CFDP1: variants seen among roughly 807,000 people sequenced by gnomAD.
CFDP1 encodes the protein heterochromatin-stabilizing protein CFDP1.
In CFDP1, 31 loss-of-function variants were observed where a neutral mutation model predicts 40.1. That is an observed-to-expected ratio of 0.77 (90% CI 0.58 to 1.04). The LOEUF (loss-of-function observed/expected upper bound fraction) is 1.04, where lower values mean the gene tolerates loss of function less well. Among genes scored for constraint, CFDP1 ranks in the 50% least tolerant of loss-of-function variants. The pLI is 0.00. For synonymous variants in CFDP1, 167 were observed against 120.0 expected, an observed-to-expected ratio of 1.39 and a Z score of -2.56; for missense variants, 423 against 343.4, an observed-to-expected ratio of 1.23 and a Z score of -1.83.
At chr16:75,416,630 C>G (rs963669062) in intron 1 of CFDP1, among the ~76,000 whole-genome samples, 2 of 152,032 alleles carry the variant, frequency 1.3e-5, no homozygotes, top group Non-Finnish European at 2.9e-5. Flanking sequence ...CTTGGTGGTA[C>G]ACACCTCTAG....
intron 1 of CFDP1, among the ~76,000 whole-genome samples, chr16:75,415,843 T>G (rs1441696438): frequency 6.6e-6 from 1 of 152,202 alleles, no homozygotes; most frequent in African/African-American, 2.4e-5. Flanking sequence ...GATACTCCTG[T>G]GCATCCAATC....
At chr16:75,397,340 C>G (rs1225540164) in intron 4 of CFDP1, among the ~76,000 whole-genome samples, 2 of 150,804 alleles carry the variant, frequency 1.3e-5, no homozygotes, top group African/African-American at 4.9e-5. Context: ...CATGATGAAA[C>G]CCCATCTCTA....
intron 6 of CFDP1, 42 bp from the exon 7 acceptor site, chr16:75,294,084 A>T: frequency 6.8e-7 from 1 of 1,478,390 alleles, no homozygotes; most frequent in South Asian, 1.1e-5. Flanking sequence ...ATCCAGTAGG[A>T]AAAACTCCTC....
At chr16:75,432,464 T>C (rs149371336) in intron 1 of CFDP1, among the ~76,000 whole-genome samples, 2,802 of 148,764 alleles carry the variant, frequency 0.019, 52 homozygotes, top group South Asian at 0.066. Context: ...GACGGGAGGA[T>C]CGCTTGAGCC....
At chr16:75,302,674 C>T (rs1238949309) in intron 6 of CFDP1, among the ~76,000 whole-genome samples, 1 of 152,216 alleles carries the variant, frequency 6.6e-6, no homozygotes, top group African/African-American at 2.4e-5. Context: ...TGTCTCAGAT[C>T]ACTGTGCAAG....
At chr16:75,376,601 G>A (rs1050770656) in intron 5 of CFDP1, among the ~76,000 whole-genome samples, 1 of 152,156 alleles carries the variant, frequency 6.6e-6, no homozygotes, top group Non-Finnish European at 1.5e-5. Flanking sequence ...AAAAGCAACT[G>A]GAAAGGGGCA....
At chr16:75,329,047 C>G (rs994310966) in intron 5 of CFDP1, among the ~76,000 whole-genome samples, 1 of 152,050 alleles carries the variant, frequency 6.6e-6, no homozygotes, top group African/African-American at 2.4e-5. Context: ...CGGGGTTTCT[C>G]CATGTTGGTC....
intron 6 of CFDP1, among the ~76,000 whole-genome samples, chr16:75,298,922 C>G (rs770928268): frequency 7.9e-5 from 12 of 152,208 alleles, no homozygotes; most frequent in Non-Finnish European, 1.5e-4. Context: ...ACAAAAACAC[C>G]TGGTCTCCAA....
chr16:75,309,408 C>T (rs1050325449), intron 5 of CFDP1, among the ~76,000 whole-genome samples: 2 of 152,148 alleles, frequency 1.3e-5, no homozygotes, highest in East Asian at 1.9e-4. Context: ...CACGCACCTC[C>T]GAGAACTATG....
intron 5 of CFDP1, among the ~76,000 whole-genome samples, chr16:75,390,097 C>A (rs1303582647): frequency 6.6e-6 from 1 of 152,172 alleles, no homozygotes. Context: ...TGATTTTGGT[C>A]AAATTTCACT....
intron 5 of CFDP1, among the ~76,000 whole-genome samples, chr16:75,373,658 T>G (rs1194967751): frequency 6.6e-6 from 1 of 152,160 alleles, no homozygotes; most frequent in East Asian, 1.9e-4. Flanking sequence ...CTTTTTATTT[T>G]TATTTATTTA....
rs2078163050 is a variant in CFDP1 at position 75,293,861 on chromosome 16, G to T, written c.*91C>A. 2.9e-6 allele frequency: 3 copies of T among 1,026,650 alleles called. No individual in the cohort carries two copies. The highest frequency in any genetic ancestry group is 4.4e-6 in the Non-Finnish European group (3 of 681,030). 63.6% of individuals were successfully genotyped at this position (1,026,650 alleles called of 1,614,324 possible). On this transcript the variant is annotated 3_prime_UTR_variant, in exon 7 of 7. Coordinates refer to ENST00000283882, the MANE Select transcript of CFDP1 (RefSeq NM_006324.3). ...AAAAAAAAGACCTTGCTGGGAAACA[G>T]ATGATGAGAAACACTGTAAAACATT...
chr16:75,316,456 GC>G (rs1459428625), intron 5 of CFDP1, among the ~76,000 whole-genome samples: 2 of 151,490 alleles, frequency 1.3e-5, no homozygotes, highest in Admixed American at 6.6e-5. Context: ...TATAATTCAA[GC>G]ACTTTGGGAG....
Position 75,329,439 on chromosome 16 carries a change from T to TA in CFDP1, c.651-24258dup, listed in dbSNP as rs376017094. Reference sequence around the variant, plus strand: ...TTATGCATCCGTGTGACTTTGATGTTAAAAAAAAAATCCGTGATAACCAGT... The same window carrying TA: ...TTATGCATCCGTGTGACTTTGATGTTAAAAAAAAAAATCCGTGATAACCAGT... On this transcript the variant is annotated intron_variant, in intron 5 of 6. Transcript: ENST00000283882. Among the ~76,000 whole-genome samples the TA allele has an allele frequency of 2.6e-3, 392 of 150,772 alleles. 2 individuals carry two copies. Among genetic ancestry groups the TA allele is most frequent in the African/African-American group, 8.9e-3 (366 of 41,230 alleles).
At chr16:75,432,798 G>T (rs12917651) in intron 1 of CFDP1, among the ~76,000 whole-genome samples, 78,595 of 151,988 alleles carry the variant, frequency 0.52, 21,351 homozygotes, top group Admixed American at 0.64. Context: ...TGAGAGGAGA[G>T]GATGGGTGGA....
chr16:75,319,160 C>G (rs1014737855), intron 5 of CFDP1, among the ~76,000 whole-genome samples: 1 of 152,160 alleles, frequency 6.6e-6, no homozygotes, highest in Non-Finnish European at 1.5e-5. Context: ...TCTCCAGCCT[C>G]AGACTCCTGA....
At chr16:75,427,022 T>G (rs1347376718) in intron 1 of CFDP1, among the ~76,000 whole-genome samples, 3 of 146,782 alleles carry the variant, frequency 2.0e-5, no homozygotes, top group East Asian at 2.1e-4. Context: ...GCCACTGTAC[T>G]CCAGCCTGGG....
chr16:75,331,840 C>T (rs985179837), intron 5 of CFDP1, among the ~76,000 whole-genome samples: 5 of 152,122 alleles, frequency 3.3e-5, no homozygotes, highest in Non-Finnish European at 5.9e-5. Flanking sequence ...CTTAGAATTG[C>T]TGGGTCATAG....
intron 5 of CFDP1, among the ~76,000 whole-genome samples, chr16:75,388,135 G>A (rs1199322459): frequency 6.6e-6 from 1 of 152,192 alleles, no homozygotes; most frequent in Non-Finnish European, 1.5e-5. Context: ...CATCAACTAT[G>A]TAACTTCAAC....
Sources: gnomAD v4.1 joint callset for allele counts (sites outside exome capture counted in the v4.1 genomes callset) on GRCh38, gnomAD v4.1.1 for gene constraint, MANE v1.5 for transcripts, NCBI Gene and HGNC (gene_info 2026-07-23, HGNC 2026-07-21) for gene names.